The following PDGFC variants were observed in gnomAD, a reference collection of about 807,000 sequenced individuals.
The protein encoded by PDGFC is platelet-derived growth factor C.
PDGFC carries 12 observed loss-of-function variants against 35.5 expected under a neutral mutation model. The ratio of observed to expected loss-of-function variants is 0.34; its 90% CI spans 0.22 to 0.55. The LOEUF (loss-of-function observed/expected upper bound fraction) is 0.55. PDGFC is among the 20% of genes least tolerant of loss of function. The pLI, the probability that PDGFC is intolerant of heterozygous loss-of-function variation, is 0.91. For missense variants in PDGFC, 322 were observed against 412.4 expected (o/e 0.78, Z 1.90); for synonymous variants, 159 against 148.8 (o/e 1.07, Z -0.50).
chr4:156,785,240 G>C (rs1019569507), intron 3 of PDGFC, among the ~76,000 whole-genome samples: 1 of 152,116 alleles, frequency 6.6e-6, no homozygotes, highest in African/African-American at 2.4e-5. Context: ...TGTCATTCAG[G>C]CTGGTGTGTG....
intron 1 of PDGFC, among the ~76,000 whole-genome samples, chr4:156,905,390 G>T (rs1473634334): frequency 6.6e-6 from 1 of 151,936 alleles, no homozygotes; most frequent in Non-Finnish European, 1.5e-5. Context: ...TGTATTATAT[G>T]TGCCAATTTA....
At chr4:156,969,634 T>A (rs1286644177) in intron 1 of PDGFC, among the ~76,000 whole-genome samples, 2 of 152,162 alleles carry the variant, frequency 1.3e-5, no homozygotes, top group Non-Finnish European at 1.5e-5. Context: ...GGAAAAAAAA[T>A]CACTCTGACT....
intron 3 of PDGFC, among the ~76,000 whole-genome samples, chr4:156,791,098 C>A (rs111470110): frequency 6.6e-6 from 1 of 152,068 alleles, no homozygotes; most frequent in African/African-American, 2.4e-5. Context: ...CAATGCAAAG[C>A]CTGGCATTTT....
intron 1 of PDGFC, chr4:156,967,787 G>C (rs906988517): frequency 2.0e-4 from 30 of 152,092 alleles, no homozygotes; most frequent in African/African-American, 7.2e-4. Flanking sequence ...TTTCACCATG[G>C]TCATACAACA....
intron 1 of PDGFC, among the ~76,000 whole-genome samples, chr4:156,960,253 TA>T (rs1334772188): frequency 1.3e-4 from 15 of 119,210 alleles, no homozygotes; most frequent in African/African-American, 6.5e-4. Context: ...ATATAACTGT[TA>T]TATATATATA....
At chr4:156,901,564 A>C (rs1356116972) in intron 1 of PDGFC, among the ~76,000 whole-genome samples, 1 of 152,014 alleles carries the variant, frequency 6.6e-6, no homozygotes, top group Admixed American at 6.6e-5. Flanking sequence ...AGCGAGAGAG[A>C]GAGAGCAGGG....
intron 1 of PDGFC, among the ~76,000 whole-genome samples, chr4:156,877,168 G>T (rs1004860497): frequency 7.9e-5 from 12 of 151,762 alleles, no homozygotes; most frequent in East Asian, 1.9e-4. Flanking sequence ...TGTTGATACA[G>T]GCATACAATG....
At chr4:156,859,557 T>C (rs982838319) in intron 1 of PDGFC, among the ~76,000 whole-genome samples, 1 of 152,118 alleles carries the variant, frequency 6.6e-6, no homozygotes, top group African/African-American at 2.4e-5. Context: ...TCCTAGGACA[T>C]GATTGCCCCT....
At chr4:156,875,602 G>A (rs1165209213) in intron 1 of PDGFC, among the ~76,000 whole-genome samples, 3 of 152,076 alleles carry the variant, frequency 2.0e-5, no homozygotes, top group South Asian at 2.1e-4. Flanking sequence ...CCGACATATC[G>A]GAAAGAAAAA....
chr4:156,957,430 T>C (rs1167299899), intron 1 of PDGFC, among the ~76,000 whole-genome samples: 9 of 151,988 alleles, frequency 5.9e-5, no homozygotes, highest in Non-Finnish European at 8.8e-5. Flanking sequence ...TGGTCTTCAT[T>C]TTTTTCAGTC....
At chr4:156,882,144 CCTG>C (rs1371686877) in intron 1 of PDGFC, among the ~76,000 whole-genome samples, 3 of 152,060 alleles carry the variant, frequency 2.0e-5, no homozygotes, top group African/African-American at 4.8e-5. Flanking sequence ...TCCTAAGTAT[CCTG>C]CTATTTCATT....
At chr4:156,814,545 G>A (rs919016) in intron 2 of PDGFC, among the ~76,000 whole-genome samples, 1,756 of 152,184 alleles carry the variant, frequency 0.012, 18 homozygotes, top group Non-Finnish European at 0.016. Flanking sequence ...AGAACACATT[G>A]TGTACAAAAT....
At chr4:156,845,997 A>T (rs1729316957) in intron 2 of PDGFC, among the ~76,000 whole-genome samples, 1 of 151,816 alleles carries the variant, frequency 6.6e-6, no homozygotes, top group Non-Finnish European at 1.5e-5. Flanking sequence ...AACAAAAGAC[A>T]TAAAGATGCA....
chr4:156,826,712 A>C (rs1254644375), intron 2 of PDGFC, among the ~76,000 whole-genome samples: 1 of 152,230 alleles, frequency 6.6e-6, no homozygotes, highest in Admixed American at 6.5e-5. Flanking sequence ...ACATTTAAGT[A>C]GCATGATAAT....
intron 1 of PDGFC, among the ~76,000 whole-genome samples, chr4:156,945,676 A>C (rs1177746660): frequency 6.6e-6 from 1 of 151,960 alleles, no homozygotes; most frequent in Non-Finnish European, 1.5e-5. Flanking sequence ...CGATTGGCAG[A>C]GCAATTACTC....
intron 1 of PDGFC, among the ~76,000 whole-genome samples, chr4:156,957,373 G>A (rs1732237618): frequency 6.6e-6 from 1 of 151,852 alleles, no homozygotes; most frequent in Admixed American, 6.6e-5. Flanking sequence ...TTATTACACT[G>A]AAGATTTTTT....
chr4:156,865,736 T>C (rs1035103223), intron 1 of PDGFC, among the ~76,000 whole-genome samples: 1 of 152,240 alleles, frequency 6.6e-6, no homozygotes. Context: ...CATAGATTGA[T>C]GACAAAGCTG....
intron 1 of PDGFC, among the ~76,000 whole-genome samples, chr4:156,882,442 A>C (rs141816459): frequency 5.9e-5 from 9 of 152,326 alleles, no homozygotes; most frequent in African/African-American, 2.2e-4. Flanking sequence ...TTAGGTAATT[A>C]TTCTTAAACT....
intron 3 of PDGFC, among the ~76,000 whole-genome samples, chr4:156,790,831 G>A (rs1358910447): frequency 6.6e-6 from 1 of 152,138 alleles, no homozygotes; most frequent in African/African-American, 2.4e-5. Context: ...TACTGAGAAC[G>A]GGGCAAGCCA....
Sources: allele counts gnomAD v4.1 joint callset (sites outside exome capture counted in the v4.1 genomes callset), GRCh38; gene constraint gnomAD v4.1.1; transcripts MANE v1.5; gene names NCBI Gene and HGNC (gene_info 2026-07-23, HGNC 2026-07-21).